Variants in COMMD9 observed in about 807,000 individuals in gnomAD.
COMMD9 encodes the protein COMM domain-containing protein 9.
In COMMD9, 22 loss-of-function variants were observed where a neutral mutation model predicts 23.4. That is an observed-to-expected ratio of 0.94 (90% CI 0.67 to 1.34). COMMD9 has a LOEUF of 1.34. COMMD9 is among the 40% of genes most tolerant of loss of function. The pLI is 0.00. For synonymous variants in COMMD9, 99 were observed against 97.4 expected, an observed-to-expected ratio of 1.02 and a Z score of -0.10; for missense variants, 231 against 240.2, an observed-to-expected ratio of 0.96 and a Z score of 0.25.
intron 1 of COMMD9, among the ~76,000 whole-genome samples, chr11:36,288,281 C>T (rs1856205347): frequency 6.7e-6 from 1 of 149,694 alleles, no homozygotes; most frequent in African/African-American, 2.5e-5. Context: ...TAAAACAAAA[C>T]AGAGACTATT....
intron 1 of COMMD9, among the ~76,000 whole-genome samples, chr11:36,282,539 C>A (rs1418128397): frequency 4.6e-5 from 7 of 152,096 alleles, no homozygotes; most frequent in African/African-American, 1.7e-4. Context: ...ACCTGGAATC[C>A]TACACCCAGC....
intron 4 of COMMD9, 50 bp from the exon 5 acceptor site, chr11:36,276,290 A>G (rs368296278): frequency 2.2e-6 from 3 of 1,350,906 alleles, no homozygotes; most frequent in Non-Finnish European, 3.2e-6. Flanking sequence ...GTGTTTACCA[A>G]GCATTTATTG....
At chr11:36,283,569 T>G (rs763369767) in intron 1 of COMMD9, among the ~76,000 whole-genome samples, 3 of 152,010 alleles carry the variant, frequency 2.0e-5, no homozygotes, top group Non-Finnish European at 2.9e-5. Flanking sequence ...TAAAAAGAAA[T>G]GCACTTTAAA....
chr11:36,277,100 T>A lies in COMMD9; in HGVS notation c.341A>T (p.Gln114Leu), dbSNP rs1365249734. The stretch of plus-strand genomic sequence containing the variant: ...TTATTGGTACTCACTCTGATTTGCC[T>A]GGGCTTCGGTTCTCCAAGTAGACCT... ...EHVSTWRTEA[Q>L]ANQISLPRLV... The change falls in exon 4 of 6, where the codon CAG becomes CTG. Residue 114 changes from glutamine to leucine, a missense_variant. Coordinates refer to ENST00000263401, the MANE Select transcript of COMMD9 (RefSeq NM_014186.4). 1 of 1,606,042 alleles carries A rather than the reference T, an allele frequency of 6.2e-7. No homozygotes were observed. The highest frequency in any genetic ancestry group is 1.1e-5 in the South Asian group (1 of 89,614).
At chr11:36,279,559 T>A (rs756363458) in intron 2 of COMMD9, among the ~76,000 whole-genome samples, 21 of 152,202 alleles carry the variant, frequency 1.4e-4, no homozygotes, top group South Asian at 6.2e-4. Context: ...CGGGGAACAA[T>A]TCTGAGAGGT....
chr11:36,286,395 CA>C (rs138463305), intron 1 of COMMD9, among the ~76,000 whole-genome samples: 5,812 of 76,886 alleles, frequency 0.076, 155 homozygotes, highest in South Asian at 0.14. Context: ...ACTAAAAATA[CA>C]AAAAAAAAAA....
chr11:36,284,089 G>C (rs1025685426), intron 1 of COMMD9, among the ~76,000 whole-genome samples: 1 of 146,950 alleles, frequency 6.8e-6, no homozygotes, highest in Non-Finnish European at 1.5e-5. Context: ...CTGGGTGACA[G>C]AGCGAGACCC....
chr11:36,280,734 A>G lies in COMMD9; in HGVS notation c.155T>C (p.Val52Ala). ...LLDVTCSSLS[V>A]TQEEAEELLQ... ...TACTTCCTCTGCCTCCTCCTGGGTCACAGACAAGCTGGAACATGTAACATC... is the reference window on the plus strand; with the variant it reads ...TACTTCCTCTGCCTCCTCCTGGGTCGCAGACAAGCTGGAACATGTAACATC... Residue 52 changes from valine (V) to alanine (A), a missense_variant, in exon 2 of 6, where the codon GTG becomes GCG. Coordinates refer to ENST00000263401, the MANE Select transcript of COMMD9 (RefSeq NM_014186.4). 6.2e-7 allele frequency: 1 copy of G among 1,606,992 alleles called. No individual in the cohort carries two copies. The highest frequency in any genetic ancestry group is 1.1e-5 in the South Asian group (1 of 89,888).
intron 4 of COMMD9, 62 bp downstream of exon 4, chr11:36,277,027 A>T: frequency 7.0e-7 from 1 of 1,438,304 alleles, no homozygotes; most frequent in Non-Finnish European, 9.5e-7. Context: ...ATCACTTGGC[A>T]GACTGAGAGC....
chr11:36,274,141 A>G lies in COMMD9; in HGVS notation c.*491T>C. 2.4e-6 allele frequency: 1 copy of G among 416,158 alleles called. No individual in the cohort carries two copies. The highest frequency in any genetic ancestry group is 4.9e-6 in the Non-Finnish European group (1 of 205,602). 25.8% of individuals were successfully genotyped at this position (416,158 alleles called of 1,614,324 possible). On this transcript the variant is annotated 3_prime_UTR_variant, in exon 6 of 6. Coordinates refer to ENST00000263401, the MANE Select transcript of COMMD9 (RefSeq NM_014186.4). ...GGGGCTCAGGGAACACTCTGGATGG[A>G]CCATGCTCTGTGGGCTCTGCCTGGC...
rs138625386 is a variant in COMMD9, at chr11:36,286,903, A to C, written c.51+2459T>G. ...GCCAAAGGTTAAGGAGAGTGTGGCT[A>C]TTCATGAGGAATCTTTGTGGTGGTG... is the stretch of plus-strand genomic sequence containing the variant. On this transcript the variant is annotated intron_variant, in intron 1 of 5. Transcript: ENST00000263401. 7.0e-3 allele frequency among the ~76,000 whole-genome samples: 1,069 copies of C among 152,262 alleles called. 10 individuals are homozygous for C. Among genetic ancestry groups the C allele is most frequent in the African/African-American group, 0.024 (981 of 41,534 alleles).
Position 36,286,395 on chromosome 11 carries a change from C to CAAAAAAAA in COMMD9, c.51+2959_51+2966dup, listed in dbSNP as rs138463305. Among the ~76,000 whole-genome samples the CAAAAAAAA allele has an allele frequency of 3.6e-3, 273 of 76,888 alleles. 1 individual carries two copies. The highest frequency in any genetic ancestry group is 6.3e-3 in the South Asian group (12 of 1,916). The allele number at this position is 76,888 out of a possible 152,430, so 50.4% of individuals were successfully genotyped here. ...GGAAACCCTGTCTCTACTAAAAATACAAAAAAAAAAAAAAAAAAGAAAGAA... is the reference window on the plus strand; with the variant it reads ...GGAAACCCTGTCTCTACTAAAAATACAAAAAAAAAAAAAAAAAAAAAAAAAAGAAAGAA... On this transcript the variant is annotated intron_variant, in intron 1 of 5. Transcript: ENST00000263401.
intron 1 of COMMD9, among the ~76,000 whole-genome samples, chr11:36,285,519 T>A (rs1324415580): frequency 6.6e-6 from 1 of 152,128 alleles, no homozygotes; most frequent in Admixed American, 6.5e-5. Flanking sequence ...GCTACAAAGC[T>A]AGTATTACCC....
chr11:36,278,351 A>T (rs1245238059), intron 3 of COMMD9, 126 bp downstream of exon 3: 2 of 824,394 alleles, frequency 2.4e-6, no homozygotes, highest in Non-Finnish European at 3.9e-6. Context: ...CAGGTGTCTT[A>T]TTTTCTTTTT....
At chr11:36,280,691 A>G (rs1222376743) in intron 2 of COMMD9, 21 bp downstream of exon 2, 2 of 1,566,172 alleles carry the variant, frequency 1.3e-6, no homozygotes, top group Non-Finnish European at 1.7e-6. Flanking sequence ...GTGGCCAAAG[A>G]TCATTTCTGA....
At chr11:36,278,666 G>C (rs748620475) in intron 2 of COMMD9, 50 bp from the exon 3 acceptor site, 2 of 1,597,960 alleles carry the variant, frequency 1.3e-6, no homozygotes, top group Admixed American at 3.5e-5. Context: ...CAGCAGGCAG[G>C]GGGCACAAGG....
At chr11:36,278,393 GA>G in intron 3 of COMMD9, 83 bp downstream of exon 3, 1 of 1,273,432 alleles carries the variant, frequency 7.9e-7, no homozygotes, top group East Asian at 2.3e-5. Context: ...TTTCAACAAT[GA>G]GCATATTACT....
At chr11:36,288,402 A>T (rs905465468) in intron 1 of COMMD9, among the ~76,000 whole-genome samples, 5 of 151,780 alleles carry the variant, frequency 3.3e-5, no homozygotes, top group Non-Finnish European at 7.4e-5. Flanking sequence ...AAGGTCCCTG[A>T]TGGATCTTAC....
At chr11:36,283,203 C>A (rs373756810) in intron 1 of COMMD9, among the ~76,000 whole-genome samples, 1 of 152,170 alleles carries the variant, frequency 6.6e-6, no homozygotes, top group Non-Finnish European at 1.5e-5. Flanking sequence ...TCAGAAACAA[C>A]GCTTCACCAA....
Sources: gnomAD v4.1 joint callset for allele counts (sites outside exome capture counted in the v4.1 genomes callset) on GRCh38, gnomAD v4.1.1 for gene constraint, MANE v1.5 for transcripts, NCBI Gene and HGNC (gene_info 2026-07-23, HGNC 2026-07-21) for gene names.